Variants in LIME1 observed in about 807,000 individuals in gnomAD.
The protein encoded by LIME1 is Lck interacting transmembrane adaptor 1, also known as lck-interacting transmembrane adapter 1.
Under a neutral mutation model 18.8 loss-of-function variants are expected in LIME1, and 23 were observed. The ratio of observed to expected loss-of-function variants is 1.22; its 90% CI spans 0.88 to 1.73. The LOEUF is 1.73. Ranked by LOEUF, LIME1 falls within the 40% of genes most tolerant of loss-of-function variation. The pLI is 0.00. For synonymous variants in LIME1, 177 were observed against 182.3 expected (o/e 0.97, Z 0.23); for missense variants, 423 against 396.8 (o/e 1.07, Z -0.56).
At position 63,738,041 on chromosome 20, in the gene LIME1, G is replaced by C. The variant is rs1349283122; in HGVS notation, c.249G>C (p.Arg83=). ...ACACCAGACTGCACGAGCTGCACCG[G>C]GGCCCGCGCAGCAGCAGGGGTGAGC... is the stretch of plus-strand genomic sequence containing the variant. ...KSDTRLHELH[R]GPRSSRALRP... is the part of the protein sequence containing the mutation. The change falls in exon 4 of 6, where the codon CGG becomes CGC. Residue 83 remains arginine, a synonymous_variant. Coordinates refer to ENST00000309546, the MANE Select transcript of LIME1 (RefSeq NM_017806.4). 2 of 1,553,376 alleles carry C rather than the reference G, an allele frequency of 1.3e-6. No homozygotes were observed. Among genetic ancestry groups the C allele is most frequent in the Admixed American group, 1.9e-5 (1 of 53,746 alleles).
At chr20:63,737,771 G>A (rs910510447) in intron 2 of LIME1, 50 bp from the exon 3 acceptor site, 10 of 1,426,536 alleles carry the variant, frequency 7.0e-6, no homozygotes, top group East Asian at 2.6e-5. Context: ...ACCGGGCCTT[G>A]GACCCGAGGC....
rs924902109 is a variant in LIME1 at position 63,736,905 on chromosome 20, G to A, written c.-18+193G>A. On this transcript the variant is annotated intron_variant, in intron 1 of 5. Transcript: ENST00000309546. ...CTGTTTGTAAGGCATCCCCCACCCC[G>A]AGAAGTTCTGCTAAGATCCCCAAGA... is the stretch of plus-strand genomic sequence containing the variant. The A allele has an allele frequency of 1.7e-5, 17 of 985,820 alleles. No homozygotes were observed. In the African/African-American group the frequency reaches 2.6e-4, roughly 15 times the overall value. The allele number at this position is 985,820 out of a possible 1,614,324, so 61.1% of individuals were successfully genotyped here.
Position 63,737,853 on chromosome 20 carries a change from C to T in LIME1, c.131C>T (p.Ala44Val), listed in dbSNP as rs771705283. The change falls in exon 3 of 6, where the codon GCG (alanine) becomes GTG (valine). Residue 44 changes from alanine to valine, a missense_variant. Physicochemically the swap from Ala to Val is moderately conservative, Grantham distance 64 (BLOSUM62 0). Coordinates refer to ENST00000309546, the MANE Select transcript of LIME1 (RefSeq NM_017806.4). The part of the protein sequence containing the change: ...PEDAVAPRKR[A>V]RRQRARLQGS... ...GACGCTGTAGCCCCCAGGAAGAGGG[C>T]GCGGAGGCAGCGGGCGAGGCTGCAG... is the stretch of plus-strand genomic sequence containing the variant. 1.3e-6 allele frequency: 2 copies of T among 1,551,730 alleles called. No individual in the cohort carries two copies. The highest frequency in any genetic ancestry group is 1.7e-6 in the Non-Finnish European group (2 of 1,156,070).
chr20:63,738,587 C>A lies in LIME1; in HGVS notation c.586-11C>A, dbSNP rs774747815. On this transcript the variant is annotated splice_polypyrimidine_tract_variant and intron_variant, in intron 5 of 5. Coordinates refer to ENST00000309546, the MANE Select transcript of LIME1 (RefSeq NM_017806.4). Reference sequence around the variant, plus strand: ...TGCTGACCCCTCCTCGGGTTGGCTTCCTGTCTCCAGGTGGACGTCCTGTAC... The same window carrying A: ...TGCTGACCCCTCCTCGGGTTGGCTTACTGTCTCCAGGTGGACGTCCTGTAC... The A allele has an allele frequency of 1.9e-6, 3 of 1,539,292 alleles. No homozygotes were observed. The highest frequency in any genetic ancestry group is 2.6e-6 in the Non-Finnish European group (3 of 1,143,984).
Position 63,738,069 on chromosome 20 carries a change from A to AGGGCGGGGCGGGGGCGGCC in LIME1, c.268+19_268+37dup. On this transcript the variant is annotated intron_variant, in intron 4 of 5. Transcript: ENST00000309546. ...CCCGCGCAGCAGCAGGGGTGAGCAG[A>AGGGCGGGGCGGGGGCGGCC]GGGCGGGGCGGGGGCGGCCGGGCGG... 1 of 902,942 alleles carries AGGGCGGGGCGGGGGCGGCC rather than the reference A, an allele frequency of 1.1e-6. No individual in the cohort carries two copies. Among genetic ancestry groups the AGGGCGGGGCGGGGGCGGCC allele is most frequent in the Non-Finnish European group, 1.5e-6 (1 of 648,882 alleles). 55.9% of individuals were successfully genotyped at this position (902,942 alleles called of 1,614,324 possible).
chr20:63,738,730 C>CT lies in LIME1; in HGVS notation c.719dup (p.Arg241GlnfsTer15). The CT allele has an allele frequency of 1.2e-6, 2 of 1,613,056 alleles. No homozygotes were observed. The highest frequency in any genetic ancestry group is 1.7e-4 in the Middle Eastern group (1 of 6,058). On this transcript the variant is annotated frameshift_variant, in exon 6 of 6. Coordinates refer to ENST00000309546, the MANE Select transcript of LIME1 (RefSeq NM_017806.4). LOFTEE classifies it low-confidence loss of function (END_TRUNC). ...TGACCTGGCCTACCAGACCCTCCCG[C>CT]TCAGGGCCCTGGATGTGGACAGCGG...
intron 4 of LIME1, 33 bp downstream of exon 4, chr20:63,738,093 G>A: frequency 9.0e-7 from 1 of 1,115,314 alleles, no homozygotes; most frequent in Non-Finnish European, 1.2e-6. Context: ...GCGGCCGGGC[G>A]GGGCTTACTG....
Position 63,737,606 on chromosome 20 carries a change from C to A in LIME1, c.57C>A (p.Ala19=). 1 of 1,604,040 alleles carries A rather than the reference C, an allele frequency of 6.2e-7. No homozygotes were observed. Among genetic ancestry groups the A allele is most frequent in the Non-Finnish European group, 8.5e-7 (1 of 1,176,664 alleles). ...PPALWVLGCC[A]LLLSLWALCT... ...CCCTCTGGGTTCTAGGGTGCTGCGCCCTGCTCCTCTCGCTGTGGGCGCTGT... is the reference window on the plus strand; with the variant it reads ...CCCTCTGGGTTCTAGGGTGCTGCGCACTGCTCCTCTCGCTGTGGGCGCTGT... Residue 19 remains alanine, a synonymous_variant, in exon 2 of 6, where the codon GCC becomes GCA. Transcript: ENST00000309546.
Position 63,738,386 on chromosome 20 carries a change from C to T in LIME1, c.472C>T (p.Leu158=), listed in dbSNP as rs373042264. ...VGLAALPGVS[L]AASPVVAEYA... ...GCTGGCGGCCCTTCCCGGGGTCAGC[C>T]TGGCGGCCAGCCCTGTGGTGGCCGA... The change falls in exon 5 of 6, where the codon CTG becomes TTG. Residue 158 remains leucine (L), a synonymous_variant. Coordinates refer to ENST00000309546, the MANE Select transcript of LIME1 (RefSeq NM_017806.4). 1.9e-5 allele frequency: 30 copies of T among 1,555,866 alleles called. No homozygotes were observed. The African/African-American group carries it at 3.7e-4, about 19-fold the overall frequency.
Position 63,738,990 on chromosome 20 carries a change from C to T in LIME1, c.*90C>T. 1 of 1,280,460 alleles carries T rather than the reference C, an allele frequency of 7.8e-7. No homozygotes were observed. The highest frequency in any genetic ancestry group is 1.1e-6 in the Non-Finnish European group (1 of 950,018). The allele number at this position is 1,280,460 out of a possible 1,614,324, so 79.3% of individuals were successfully genotyped here. A position where few individuals can be genotyped will look rare whatever the true frequency, so the allele number is the denominator to read the frequency against. On this transcript the variant is annotated 3_prime_UTR_variant, in exon 6 of 6. Coordinates refer to ENST00000309546, the MANE Select transcript of LIME1 (RefSeq NM_017806.4). ...AGCTGACAGCGCCAGTCCCAGGTCC[C>T]CGGGCTGCCAGCCCGTGAGGTCCGT...
chr20:63,737,289 G>C, intron 1 of LIME1: 1 of 1,249,246 alleles, frequency 8.0e-7, no homozygotes, highest in Non-Finnish European at 1.0e-6. Context: ...TGTTACCGTG[G>C]TCACCCGCAG....
Position 63,738,182 on chromosome 20 carries a change from G to A in LIME1, c.269-1G>A. On this transcript the variant is annotated splice_acceptor_variant, in intron 4 of 5. Coordinates refer to ENST00000309546, the MANE Select transcript of LIME1 (RefSeq NM_017806.4). LOFTEE classifies it high-confidence loss of function. The stretch of plus-strand genomic sequence containing the variant: ...GAACTCTGCCCTGACCCCACCCCCA[G>A]CCCTGCGGCCTGCCAGCATGGATCT... The A allele has an allele frequency of 1.3e-6, 2 of 1,566,124 alleles. No homozygotes were observed. The highest frequency in any genetic ancestry group is 1.2e-5 in the South Asian group (1 of 85,954).
chr20:63,738,488 C>T lies in LIME1; in HGVS notation c.574C>T (p.Pro192Ser). The T allele has an allele frequency of 6.6e-7, 1 of 1,514,822 alleles. No homozygotes were observed. The highest frequency in any genetic ancestry group is 8.8e-7 in the Non-Finnish European group (1 of 1,132,156). The allele number at this position is 1,514,822 out of a possible 1,614,324, so 93.8% of individuals were successfully genotyped here. Reference sequence around the variant, plus strand: ...ACAGCAGGGGAAGACTGAGGTGACCCCGGCCGCTCAGGTAACGTGGGCCAG... The same window carrying T: ...ACAGCAGGGGAAGACTGAGGTGACCTCGGCCGCTCAGGTAACGTGGGCCAG... ...EPQQGKTEVTPAAQVDVLYSR... is the reference protein window; with the variant it reads ...EPQQGKTEVTSAAQVDVLYSR... Residue 192 changes from proline (P) to serine (S), a missense_variant, in exon 5 of 6, where the codon CCG (proline) becomes TCG (serine). Coordinates refer to ENST00000309546, the MANE Select transcript of LIME1 (RefSeq NM_017806.4).
In LIME1 at chr20:63,738,404, G is replaced by A. The variant is rs2092020558; in HGVS notation, c.490G>A (p.Val164Met). Reference sequence around the variant, plus strand: ...GGTCAGCCTGGCGGCCAGCCCTGTGGTGGCCGAGTATGCCCGCGTCCAGAA... The same window carrying A: ...GGTCAGCCTGGCGGCCAGCCCTGTGATGGCCGAGTATGCCCGCGTCCAGAA... ...PGVSLAASPV[V>M]AEYARVQKRK... is the part of the protein sequence containing the mutation. The change falls in exon 5 of 6, where the codon GTG becomes ATG. Residue 164 changes from valine (V) to methionine (M), a missense_variant. Physicochemically the swap from Val to Met is conservative, Grantham distance 21 (BLOSUM62 1). Transcript: ENST00000309546. 4 of 1,552,346 alleles carry A rather than the reference G, an allele frequency of 2.6e-6. No individual in the cohort carries two copies. In the African/African-American group the frequency reaches 4.1e-5, roughly 16 times the overall value.
Position 63,738,020 on chromosome 20 carries a change from C to A in LIME1, c.228C>A (p.Thr76=). ...TCTGCTCCCTCAGCAAGTCGGACAC[C>A]AGACTGCACGAGCTGCACCGGGGCC... is the stretch of plus-strand genomic sequence containing the variant. ...THLCSLSKSD[T]RLHELHRGPR... is the part of the protein sequence containing the mutation. Residue 76 remains threonine, a synonymous_variant, in exon 4 of 6, where the codon ACC becomes ACA. Coordinates refer to ENST00000309546, the MANE Select transcript of LIME1 (RefSeq NM_017806.4). The A allele has an allele frequency of 6.4e-7, 1 of 1,566,056 alleles. No homozygotes were observed. Among genetic ancestry groups the A allele is most frequent in the Non-Finnish European group, 8.6e-7 (1 of 1,160,268 alleles).
chr20:63,736,060 C>T (rs979480136), upstream of LIME1: 26 of 1,225,666 alleles, frequency 2.1e-5, no homozygotes, highest in African/African-American at 3.1e-4. Flanking sequence ...TGCGGGGTCC[C>T]ATCTGGACAC....
Position 63,738,708 on chromosome 20 carries a change from C to T in LIME1, c.696C>T (p.Asp232=). The part of the protein sequence containing the change: ...GQGAILALAG[D]LAYQTLPLRA... ...GAGCGATTCTGGCCCTGGCGGGTGA[C>T]CTGGCCTACCAGACCCTCCCGCTCA... Residue 232 remains aspartate (D), a synonymous_variant, in exon 6 of 6, where the codon GAC becomes GAT. Coordinates refer to ENST00000309546, the MANE Select transcript of LIME1 (RefSeq NM_017806.4). 6.2e-7 allele frequency: 1 copy of T among 1,612,886 alleles called. No homozygotes were observed. The highest frequency in any genetic ancestry group is 8.5e-7 in the Non-Finnish European group (1 of 1,179,888).
Position 63,737,955 on chromosome 20 carries a change from A to G in LIME1, c.181-18A>G, listed in dbSNP as rs778282992. Reference sequence around the variant, plus strand: ...GGGTGGGGTCCGCAGGGCACCGACCAGCCTTCCTCGCCCCCAGTCCCTACT... The same window carrying G: ...GGGTGGGGTCCGCAGGGCACCGACCGGCCTTCCTCGCCCCCAGTCCCTACT... On this transcript the variant is annotated intron_variant, in intron 3 of 5. Coordinates refer to ENST00000309546, the MANE Select transcript of LIME1 (RefSeq NM_017806.4). 1.9e-6 allele frequency: 3 copies of G among 1,570,264 alleles called. No homozygotes were observed. The East Asian group carries it at 7.0e-5, about 37-fold the overall frequency.
rs1248977823 is a variant in LIME1 at position 63,737,257 on chromosome 20, C to T, written c.-17-276C>T. On this transcript the variant is annotated intron_variant, in intron 1 of 5. Transcript: ENST00000309546. ...GCTATGGTGGCCACAGCTGTCTTGC[C>T]CCTCCTCACGGCCGTGCTGGGTGTT... 29 of 1,206,234 alleles carry T rather than the reference C, an allele frequency of 2.4e-5. No individual in the cohort carries two copies. In the South Asian group the frequency reaches 3.9e-4, roughly 16 times the overall value. 74.7% of individuals were successfully genotyped at this position (1,206,234 alleles called of 1,614,324 possible). A position where few individuals can be genotyped will look rare whatever the true frequency, so the allele number is the denominator to read the frequency against.
Sources: gnomAD v4.1 joint callset for allele counts on GRCh38, gnomAD v4.1.1 for gene constraint, MANE v1.5 for transcripts, NCBI Gene and HGNC (gene_info 2026-07-23, HGNC 2026-07-21) for gene names.